Variants in GNG7 observed in about 807,000 individuals in gnomAD.
GNG7 encodes guanine nucleotide-binding protein G(I)/G(S)/G(O) subunit gamma-7.
A neutral mutation model predicts 4.0 loss-of-function variants in GNG7; 1 was observed. That is an observed-to-expected ratio of 0.25 (90% CI 0.09 to 1.18). The LOEUF is 1.18. Among genes scored for constraint, GNG7 ranks in the 50% most tolerant of loss-of-function variants. The pLI, the probability that GNG7 is intolerant of heterozygous loss-of-function variation, is 0.50. For missense variants in GNG7, 86 were observed against 91.9 expected (o/e 0.94, Z 0.26); for synonymous variants, 34 against 36.9 (o/e 0.92, Z 0.29).
rs1972695372 is a variant in GNG7, at chr19:2,514,233, T to TGGGCC, written c.*784_*788dup. ...AAAAAAAAAAAATCCAAAAACATGA[T>TGGGCC]GGGCCGGGCCGGTGACGGCTTCCCT... On this transcript the variant is annotated 3_prime_UTR_variant, in exon 5 of 5. Coordinates refer to ENST00000382159, the MANE Select transcript of GNG7 (RefSeq NM_052847.3). 6.7e-6 allele frequency: 1 copy of TGGGCC among 149,968 alleles called. No homozygotes were observed. The highest frequency in any genetic ancestry group is 2.4e-5 in the African/African-American group (1 of 40,820). The allele number at this position is 149,968 out of a possible 1,614,324, so 9.3% of individuals were successfully genotyped here.
At chr19:2,684,102 A>G (rs1983811126) in intron 1 of GNG7, among the ~76,000 whole-genome samples, 1 of 149,554 alleles carries the variant, frequency 6.7e-6, no homozygotes, top group East Asian at 2.0e-4. Context: ...CAGGTGGCTC[A>G]CTTGAGGTCA....
chr19:2,647,748 C>T (rs1982703013), intron 1 of GNG7, among the ~76,000 whole-genome samples: 1 of 151,858 alleles, frequency 6.6e-6, no homozygotes, highest in South Asian at 2.1e-4. Context: ...CCACATGGGG[C>T]CAGGCACGGT....
chr19:2,607,117 A>C (rs939759315), intron 2 of GNG7, among the ~76,000 whole-genome samples: 10 of 151,518 alleles, frequency 6.6e-5, no homozygotes, highest in Non-Finnish European at 1.5e-4. Context: ...GCTACTCAAG[A>C]GGCTGAGGTG....
chr19:2,575,456 C>T (rs1294211892), intron 2 of GNG7, among the ~76,000 whole-genome samples: 4 of 152,310 alleles, frequency 2.6e-5, no homozygotes, highest in Middle Eastern at 3.4e-3. Context: ...CTCCTCAGGG[C>T]GTGTGGACAC....
chr19:2,544,681 G>T (rs1380533728), intron 3 of GNG7, among the ~76,000 whole-genome samples: 2 of 152,186 alleles, frequency 1.3e-5, no homozygotes, highest in Non-Finnish European at 2.9e-5. Flanking sequence ...ATGAGCCACC[G>T]TGCTGGGCCA....
chr19:2,520,864 G>C (rs1224236662), intron 3 of GNG7, 139 bp from the exon 4 acceptor site: 5 of 575,940 alleles, frequency 8.7e-6, no homozygotes, highest in Non-Finnish European at 6.3e-6. Context: ...GGGCCTCCGT[G>C]TACAAAGAGC....
chr19:2,590,865 TCACCCATCCATCCATC>T (rs1568254838), intron 2 of GNG7, among the ~76,000 whole-genome samples: 2 of 133,104 alleles, frequency 1.5e-5, no homozygotes, highest in South Asian at 2.5e-4. Flanking sequence ...ACCCATCCAT[TCACCCATCCATCCATC>T]CACCCATCCA....
At chr19:2,665,465 A>G (rs1414365302) in intron 1 of GNG7, among the ~76,000 whole-genome samples, 2 of 151,952 alleles carry the variant, frequency 1.3e-5, no homozygotes, top group African/African-American at 4.8e-5. Context: ...GGATTTGGGA[A>G]GAGGGCCATG....
intron 3 of GNG7, among the ~76,000 whole-genome samples, chr19:2,532,016 T>C (rs1471362731): frequency 6.6e-6 from 1 of 151,660 alleles, no homozygotes; most frequent in Non-Finnish European, 1.5e-5. Flanking sequence ...CCGGGCGCCA[T>C]GGCAGGCGCC....
chr19:2,621,946 G>A lies in GNG7; in HGVS notation c.-78+24278C>T, dbSNP rs573215424. Among the ~76,000 whole-genome samples the A allele has an allele frequency of 9.9e-5, 15 of 152,196 alleles. No individual in the cohort carries two copies. The South Asian group carries it at 2.3e-3, about 23-fold the overall frequency. The stretch of plus-strand genomic sequence containing the variant: ...CACACGTCTGCGGATTGATACTTCC[G>A]GGTCTGTGGTCACCTGTTATGGCAG... On this transcript the variant is annotated intron_variant, in intron 2 of 4. Coordinates refer to ENST00000382159, the MANE Select transcript of GNG7 (RefSeq NM_052847.3).
intron 1 of GNG7, among the ~76,000 whole-genome samples, chr19:2,678,126 C>A (rs189323325): frequency 1.3e-5 from 2 of 152,164 alleles, no homozygotes; most frequent in Non-Finnish European, 2.9e-5. Flanking sequence ...CACCAGGCAT[C>A]CAGACCTTCC....
At chr19:2,681,309 G>A (rs919668024) in intron 1 of GNG7, among the ~76,000 whole-genome samples, 29 of 151,446 alleles carry the variant, frequency 1.9e-4, no homozygotes, top group African/African-American at 6.6e-4. Context: ...TCAGCCTCCC[G>A]AGTAGCTGGG....
Position 2,546,590 on chromosome 19 carries a change from G to C in GNG7, c.-38+8559C>G, listed in dbSNP as rs951396301. On this transcript the variant is annotated intron_variant, in intron 3 of 4. Coordinates refer to ENST00000382159, the MANE Select transcript of GNG7 (RefSeq NM_052847.3). The surrounding 1 kb of genome is among the most constrained non-coding windows in gnomAD (Gnocchi z 6.3). ...AAGGGGCTAAAGAGAGGGAATGAAT[G>C]AGGTGCCCACGAGAAAGTGAAAAAT... is the stretch of plus-strand genomic sequence containing the variant. Among the ~76,000 whole-genome samples the C allele has an allele frequency of 2.0e-5, 3 of 152,194 alleles. No individual in the cohort carries two copies. The highest frequency in any genetic ancestry group is 4.4e-5 in the Non-Finnish European group (3 of 68,038).
intron 2 of GNG7, among the ~76,000 whole-genome samples, chr19:2,568,432 A>G (rs1280379733): frequency 7.2e-6 from 1 of 139,230 alleles, no homozygotes; most frequent in African/African-American, 2.6e-5. Flanking sequence ...ACACACATAC[A>G]TATACATACA....
chr19:2,672,108 G>A (rs1292695803), intron 1 of GNG7, among the ~76,000 whole-genome samples: 1 of 146,338 alleles, frequency 6.8e-6, no homozygotes, highest in African/African-American at 2.5e-5. Context: ...CGCAGTCTCA[G>A]CTCACTGCAA....
At chr19:2,571,678 C>T (rs1980153255) in intron 2 of GNG7, among the ~76,000 whole-genome samples, 1 of 142,066 alleles carries the variant, frequency 7.0e-6, no homozygotes. Flanking sequence ...TCACTGCAAC[C>T]TCTGCCTCCC....
chr19:2,646,055 T>C (rs1982657392), intron 2 of GNG7, among the ~76,000 whole-genome samples, 169 bp downstream of exon 2: 2 of 152,032 alleles, frequency 1.3e-5, no homozygotes, highest in South Asian at 4.1e-4. Context: ...CTAGCAGCTG[T>C]TACCCACACC....
In GNG7 at chr19:2,659,610, A is replaced by AAG. The variant is rs1555701398; in HGVS notation, c.-134-13332_-134-13331dup. 9.9e-3 allele frequency among the ~76,000 whole-genome samples: 1,199 copies of AAG among 121,448 alleles called. 58 individuals are homozygous for AAG. Among genetic ancestry groups the AAG allele is most frequent in the African/African-American group, 0.038 (1,150 of 30,576 alleles). The allele number at this position is 121,448 out of a possible 152,430, so 79.7% of individuals were successfully genotyped here. On this transcript the variant is annotated intron_variant, in intron 1 of 4. Transcript: ENST00000382159. ...TCCATCTTAAAAAAAAAAAAAAAAA[A>AAG]AGAGAGGAGGGGAGGGAAAGAGGGA...
At chr19:2,622,742 G>C (rs1324975085) in intron 2 of GNG7, among the ~76,000 whole-genome samples, 1 of 148,488 alleles carries the variant, frequency 6.7e-6, no homozygotes, top group Non-Finnish European at 1.5e-5. Flanking sequence ...AGGCTTCCGG[G>C]ATGGGGAACC....
Sources: allele counts gnomAD v4.1 joint callset (sites outside exome capture counted in the v4.1 genomes callset), GRCh38; gene constraint gnomAD v4.1.1; non-coding constraint Gnocchi (gnomAD v3.1); transcripts MANE v1.5; gene names NCBI Gene and HGNC (gene_info 2026-07-23, HGNC 2026-07-21).